The following AP3D1 variants were observed in gnomAD, a reference collection of about 807,000 sequenced individuals.
The protein encoded by AP3D1 is adaptor related protein complex 3 subunit delta 1, also known as AP-3 complex subunit delta-1.
AP3D1 carries 51 observed loss-of-function variants against 147.6 expected under a neutral mutation model. That is an observed-to-expected ratio of 0.35 (90% CI 0.28 to 0.44). AP3D1 has a LOEUF of 0.44. Ranked by LOEUF, AP3D1 falls within the 20% of genes least tolerant of loss-of-function variation. AP3D1 has a pLI of 1.00. For missense variants in AP3D1, 1,421 were observed against 1,624.2 expected (o/e 0.87, Z 2.15); for synonymous variants, 760 against 663.0 (o/e 1.15, Z -2.25).
rs140919086 is a variant in AP3D1 at position 2,150,351 on chromosome 19, T to C, written c.96+888A>G. ...TGCCCAAGGGCTGCACGGGTATCCT[T>C]AATGAAGCCAGACACGTGGTGGCCA... On this transcript the variant is annotated intron_variant, in intron 1 of 31. Transcript: ENST00000643116. 4.9e-4 allele frequency among the ~76,000 whole-genome samples: 74 copies of C among 152,330 alleles called. No individual in the cohort carries two copies. The Middle Eastern group carries it at 0.014, about 28-fold the overall frequency.
intron 9 of AP3D1, 57 bp from the exon 10 acceptor site, chr19:2,123,936 A>G (rs898629618): frequency 6.5e-7 from 1 of 1,540,498 alleles, no homozygotes; most frequent in Admixed American, 2.0e-5. Flanking sequence ...CGCCGACACC[A>G]ACTCAGGGCC....
At chr19:2,124,158 G>A (rs1341988190) in intron 9 of AP3D1, among the ~76,000 whole-genome samples, 1 of 152,226 alleles carries the variant, frequency 6.6e-6, no homozygotes, top group East Asian at 1.9e-4. Flanking sequence ...CGCAACCCCT[G>A]CTTCCCTCTG....
chr19:2,129,411 G>A lies in AP3D1; in HGVS notation c.639C>T (p.Arg213=), dbSNP rs1441763264. The A allele has an allele frequency of 6.2e-7, 1 of 1,614,010 alleles. No homozygotes were observed. The highest frequency in any genetic ancestry group is 1.3e-5 in the African/African-American group (1 of 74,918). ...CCAGGGACAGGTAGTTCTTAGGGTTGCGTCTGGCCAGCTCGCAGATGACAT... is the reference window on the plus strand; with the variant it reads ...CCAGGGACAGGTAGTTCTTAGGGTTACGTCTGGCCAGCTCGCAGATGACAT... ...AVNVICELAR[R]NPKNYLSLAP... is the part of the protein sequence containing the mutation. The change falls in exon 7 of 32, where the codon CGC becomes CGT. Residue 213 remains arginine, a synonymous_variant. Coordinates refer to ENST00000643116, the MANE Select transcript of AP3D1 (RefSeq NM_001261826.3).
At position 2,136,986 on chromosome 19, in the gene AP3D1, G is replaced by A. The variant is rs1412782414; in HGVS notation, c.354+25C>T. 9 of 1,561,666 alleles carry A rather than the reference G, an allele frequency of 5.8e-6. No individual in the cohort carries two copies. The South Asian group carries it at 5.9e-5, about 10-fold the overall frequency. ...AAGGGCAGACTGCACTCAGCACAGA[G>A]CGGCCCCGGCCCGGGAACACCCACC... On this transcript the variant is annotated intron_variant, in intron 4 of 31. Coordinates refer to ENST00000643116, the MANE Select transcript of AP3D1 (RefSeq NM_001261826.3).
chr19:2,164,160 T>C, intron 1 of AP3D1: 2 of 1,074,844 alleles, frequency 1.9e-6, no homozygotes, highest in Non-Finnish European at 1.1e-6. Flanking sequence ...CCGCCTAGCA[T>C]GGTGCGGCGG....
At position 2,138,723 on chromosome 19, in the gene AP3D1, G is replaced by C. The variant is rs776182910; in HGVS notation, c.97-9C>G. On this transcript the variant is annotated splice_polypyrimidine_tract_variant and intron_variant, in intron 1 of 31. Transcript: ENST00000643116. ...TGAGATATGTATTTTGCCTATAATG[G>C]GGGATAAACACAGAGATTACAAACA... 1.2e-5 allele frequency: 19 copies of C among 1,588,896 alleles called. No homozygotes were observed. The highest frequency in any genetic ancestry group is 1.7e-4 in the Middle Eastern group (1 of 6,022).
At chr19:2,107,469 G>A (rs1193837554) in intron 31 of AP3D1, among the ~76,000 whole-genome samples, 2 of 151,556 alleles carry the variant, frequency 1.3e-5, no homozygotes, top group South Asian at 2.1e-4. Flanking sequence ...GGCCGGGCGC[G>A]GTGGCTCAAG....
chr19:2,108,264 GCAGTCGA>G (rs1352798043), intron 31 of AP3D1, among the ~76,000 whole-genome samples: 2 of 152,204 alleles, frequency 1.3e-5, no homozygotes, highest in African/African-American at 4.8e-5. Flanking sequence ...ACTGCGTTTG[GCAGTCGA>G]CACACTGCGA....
rs201395998 is a variant in AP3D1, at chr19:2,112,896, G to A, written c.2751C>T (p.Gly917=). Residue 917 remains glycine (G), a synonymous_variant, in exon 24 of 32, where the codon GGC becomes GGT. Transcript: ENST00000643116. ...ECEDAKTEAQ[G]EEDDAEGQDQ... ...CTTGCCCCTCGGCATCGTCCTCCTC[G>A]CCCTGCGCCTCCGTCTTGGCGTCCT... 1.3e-5 allele frequency: 21 copies of A among 1,613,098 alleles called. No individual in the cohort carries two copies. The highest frequency in any genetic ancestry group is 2.2e-5 in the East Asian group (1 of 44,824).
At chr19:2,129,945 C>T (rs1321235392) in intron 6 of AP3D1, among the ~76,000 whole-genome samples, 4 of 152,190 alleles carry the variant, frequency 2.6e-5, no homozygotes, top group Non-Finnish European at 2.9e-5. Flanking sequence ...CACCGACCCA[C>T]GCCTGCCACA....
chr19:2,120,958 A>G lies in AP3D1; in HGVS notation c.1385T>C (p.Leu462Pro). 1.2e-6 allele frequency: 2 copies of G among 1,612,226 alleles called. No homozygotes were observed. Among genetic ancestry groups the G allele is most frequent in the Non-Finnish European group, 1.7e-6 (2 of 1,180,012 alleles). Residue 462 changes from leucine to proline, a missense_variant, in exon 14 of 32, where the codon CTG becomes CCG. Leu to Pro is a moderately conservative substitution (Grantham distance 98, BLOSUM62 -3). Around this residue, in one of 6 missense-constraint regions of AP3D1, gnomAD observed 310 missense variants for 388.1 expected, o/e 0.80. Coordinates refer to ENST00000643116, the MANE Select transcript of AP3D1 (RefSeq NM_001261826.3). ...GGCCAGCAGGTGTGCACTGTCAAGC[A>G]GCGCAGACATCTGGGACACGGCGAA... ...RKFAVSQMSA[L>P]LDSAHLLASS...
chr19:2,144,976 C>T (rs1055358910), intron 1 of AP3D1, among the ~76,000 whole-genome samples: 2 of 152,122 alleles, frequency 1.3e-5, no homozygotes, highest in African/African-American at 4.8e-5. Flanking sequence ...GGTCAGTGGT[C>T]GCCAGGGCAT....
chr19:2,155,774 C>T (rs1481692189), upstream of AP3D1, among the ~76,000 whole-genome samples: 3 of 151,946 alleles, frequency 2.0e-5, no homozygotes, highest in African/African-American at 7.3e-5. Flanking sequence ...AAGAATGGGC[C>T]GGGCGCGGTG....
At chr19:2,146,107 T>C (rs2019349761) in intron 1 of AP3D1, among the ~76,000 whole-genome samples, 1 of 152,160 alleles carries the variant, frequency 6.6e-6, no homozygotes, top group Admixed American at 6.5e-5. Flanking sequence ...CATGTCCGAC[T>C]ATGTATGGAA....
Position 2,164,327 on chromosome 19 carries a change from C to T in AP3D1, c.-103+29G>A, listed in dbSNP as rs1269194115. Reference sequence around the variant, plus strand: ...TCCCCTCCTCCGCCGCCCCTGGGGACACCCCAAACCCCCCCAAGCCGCGCT... The same window carrying T: ...TCCCCTCCTCCGCCGCCCCTGGGGATACCCCAAACCCCCCCAAGCCGCGCT... On this transcript the variant is annotated intron_variant, in intron 1 of 14. Coordinates refer to the AP3D1 transcript ENST00000643010. 3.5e-6 allele frequency: 4 copies of T among 1,157,668 alleles called. No homozygotes were observed. The South Asian group carries it at 1.3e-4, about 37-fold the overall frequency. The allele number at this position is 1,157,668 out of a possible 1,614,324, so 71.7% of individuals were successfully genotyped here. A position where few individuals can be genotyped will look rare whatever the true frequency, so the allele number is the denominator to read the frequency against.
chr19:2,154,424 C>T (rs983513831), upstream of AP3D1, among the ~76,000 whole-genome samples: 2 of 151,674 alleles, frequency 1.3e-5, no homozygotes, highest in Non-Finnish European at 2.9e-5. Context: ...GGACTACAGG[C>T]GCTCGCCACC....
Position 2,129,235 on chromosome 19 carries a change from G to A in AP3D1, c.733-72C>T, listed in dbSNP as rs562583363. 3.5e-4 allele frequency: 558 copies of A among 1,611,234 alleles called. 7 individuals are homozygous for A. The South Asian group carries it at 4.3e-3, about 13-fold the overall frequency. On this transcript the variant is annotated intron_variant, in intron 7 of 31. Coordinates refer to ENST00000643116, the MANE Select transcript of AP3D1 (RefSeq NM_001261826.3). Reference sequence around the variant, plus strand: ...CAGGGTGAGGGACAGGGGGGGCCTCGGTCACCCGCAGGGAATGCCCCACAC... The same window carrying A: ...CAGGGTGAGGGACAGGGGGGGCCTCAGTCACCCGCAGGGAATGCCCCACAC...
At chr19:2,117,781 G>A (rs948620091) in intron 15 of AP3D1, among the ~76,000 whole-genome samples, 3 of 152,206 alleles carry the variant, frequency 2.0e-5, no homozygotes, top group African/African-American at 4.8e-5. Context: ...TAATGCCACC[G>A]CACAGAGGAG....
intron 9 of AP3D1, among the ~76,000 whole-genome samples, chr19:2,124,332 A>G (rs1298096790): frequency 6.6e-6 from 1 of 152,240 alleles, no homozygotes; most frequent in Non-Finnish European, 1.5e-5. Flanking sequence ...CCACTGAAAG[A>G]AGGCTCTAGA....
Sources: gnomAD v4.1 joint callset for allele counts (sites outside exome capture counted in the v4.1 genomes callset) on GRCh38, gnomAD v4.1.1 for gene constraint, gnomAD v4.1.1 regional missense constraint, MANE v1.5 for transcripts, NCBI Gene and HGNC (gene_info 2026-07-23, HGNC 2026-07-21) for gene names.